The following PCDHA10 variants were observed in gnomAD, a reference collection of about 807,000 sequenced individuals.
The protein encoded by PCDHA10 is protocadherin alpha-10.
Under a neutral mutation model 61.2 loss-of-function variants are expected in PCDHA10, and 45 were observed. The ratio of observed to expected loss-of-function variants is 0.74; its 90% CI spans 0.58 to 0.94. The LOEUF (loss-of-function observed/expected upper bound fraction) is 0.94, where lower values mean the gene tolerates loss of function less well. Ranked by LOEUF, PCDHA10 falls within the 40% of genes least tolerant of loss-of-function variation. The pLI is 0.00. For synonymous variants in PCDHA10, 602 were observed against 548.8 expected (o/e 1.10, Z -1.35); for missense variants, 1,278 against 1,236.2 (o/e 1.03, Z -0.51).
chr5:141,010,327 G>A lies in PCDHA10; in HGVS notation c.*390G>A. 2 of 1,539,744 alleles carry A rather than the reference G, an allele frequency of 1.3e-6. No individual in the cohort carries two copies. Among genetic ancestry groups the A allele is most frequent in the African/African-American group, 2.8e-5 (2 of 72,602 alleles). ...AAAGTTTTGAGATTGAGCAGCTTGG[G>A]AGTTTGTGGCCACTGGGTATGTGTG... On this transcript the variant is annotated 3_prime_UTR_variant, in exon 4 of 4. Transcript: ENST00000307360.
rs377755323 is a variant in PCDHA10 at position 140,870,200 on chromosome 5, C to T, written c.2388+11764C>T. Reference sequence around the variant, plus strand: ...GTACGAGAGGACGCTCAGCCCAGCACGGTCATTGCCCTGATCAGCGTGTCT... The same window carrying T: ...GTACGAGAGGACGCTCAGCCCAGCATGGTCATTGCCCTGATCAGCGTGTCT... On this transcript the variant is annotated intron_variant, in intron 1 of 3. Transcript: ENST00000307360. 7 of 1,614,172 alleles carry T rather than the reference C, an allele frequency of 4.3e-6. No homozygotes were observed. The African/African-American group carries it at 5.3e-5, about 12-fold the overall frequency.
At chr5:140,884,186 G>T in intron 1 of PCDHA10, 1 of 1,613,444 alleles carries the variant, frequency 6.2e-7, no homozygotes, top group East Asian at 2.2e-5. Context: ...TCTGGACGAG[G>T]TGGACGCGCC....
intron 3 of PCDHA10, among the ~76,000 whole-genome samples, chr5:140,993,462 T>TCA (rs3836747): frequency 0.1 from 14,588 of 140,880 alleles, 728 homozygotes; most frequent in Middle Eastern, 0.17. Context: ...TCTTTCTTTC[T>TCA]CACACACACA....
intron 1 of PCDHA10, among the ~76,000 whole-genome samples, chr5:140,956,511 T>C (rs1293826895): frequency 1.3e-5 from 2 of 152,218 alleles, no homozygotes. Flanking sequence ...TACTTGATCA[T>C]GGTGAATAAG....
intron 3 of PCDHA10, among the ~76,000 whole-genome samples, chr5:141,007,652 A>T (rs2098338412): frequency 6.6e-6 from 1 of 152,112 alleles, no homozygotes; most frequent in African/African-American, 2.4e-5. Flanking sequence ...TGCCTAAAAA[A>T]CCATAAATTT....
intron 1 of PCDHA10, among the ~76,000 whole-genome samples, chr5:140,956,385 T>C (rs1313427005): frequency 6.6e-6 from 1 of 152,198 alleles, no homozygotes; most frequent in Non-Finnish European, 1.5e-5. Flanking sequence ...ATCGAAGGCC[T>C]TTTCTGAATC....
chr5:140,867,215 C>T (rs989219715), intron 1 of PCDHA10: 14 of 152,216 alleles, frequency 9.2e-5, no homozygotes, highest in South Asian at 2.1e-4. Flanking sequence ...ACATCTTCAT[C>T]CCCAATTCCC....
At chr5:140,876,819 C>T in intron 1 of PCDHA10, 1 of 1,614,180 alleles carries the variant, frequency 6.2e-7, no homozygotes, top group Admixed American at 1.7e-5. Flanking sequence ...CCGACGTGAA[C>T]GACAATGCGC....
chr5:140,880,790 T>C (rs2058480985), intron 1 of PCDHA10, among the ~76,000 whole-genome samples: 1 of 152,190 alleles, frequency 6.6e-6, no homozygotes, highest in African/African-American at 2.4e-5. Flanking sequence ...AGAGGAGTAA[T>C]ATAAATAGGT....
chr5:140,953,295 C>T (rs74485628), intron 1 of PCDHA10, among the ~76,000 whole-genome samples: 3,568 of 152,144 alleles, frequency 0.023, 49 homozygotes, highest in Middle Eastern at 0.034. Flanking sequence ...GATTCAGGGA[C>T]GGCAGAGATG....
At chr5:140,986,293 CAG>C (rs1447196504) in intron 3 of PCDHA10, among the ~76,000 whole-genome samples, 2 of 152,124 alleles carry the variant, frequency 1.3e-5, no homozygotes, top group Admixed American at 6.5e-5. Flanking sequence ...TGAGACTGAG[CAG>C]AGAGAGAAAA....
intron 1 of PCDHA10, among the ~76,000 whole-genome samples, chr5:140,879,977 C>T (rs1285167233): frequency 6.6e-6 from 1 of 152,174 alleles, no homozygotes; most frequent in African/African-American, 2.4e-5. Flanking sequence ...AAACTCCTTT[C>T]AAGATCCTTA....
chr5:140,955,397 A>G (rs1470827673), intron 1 of PCDHA10, among the ~76,000 whole-genome samples: 1 of 152,130 alleles, frequency 6.6e-6, no homozygotes, highest in Non-Finnish European at 1.5e-5. Context: ...CAATTATCCC[A>G]TACAGTTCTC....
chr5:140,985,619 G>C (rs961379624), intron 3 of PCDHA10, among the ~76,000 whole-genome samples: 2 of 152,064 alleles, frequency 1.3e-5, no homozygotes, highest in African/African-American at 2.4e-5. Context: ...TGAACCAGCT[G>C]TGTATTGCTC....
intron 1 of PCDHA10, among the ~76,000 whole-genome samples, chr5:140,908,903 C>T (rs116633080): frequency 2.5e-3 from 374 of 152,278 alleles, no homozygotes; most frequent in African/African-American, 8.5e-3. Context: ...AAGCCTCTTT[C>T]GTGGTTGTAG....
chr5:140,920,996 CAG>C (rs1554200030), intron 1 of PCDHA10, among the ~76,000 whole-genome samples: 3 of 151,876 alleles, frequency 2.0e-5, no homozygotes, highest in African/African-American at 7.3e-5. Context: ...CTTATTTTTT[CAG>C]AGTCAGGGTC....
chr5:140,941,191 T>TTTTTTTCTTTC (rs1554213809), intron 1 of PCDHA10, among the ~76,000 whole-genome samples: 6 of 93,206 alleles, frequency 6.4e-5, no homozygotes, highest in Admixed American at 2.5e-4. Context: ...GCTTCTTTTT[T>TTTTTTTCTTTC]TTTCTTTCTT....
intron 1 of PCDHA10, among the ~76,000 whole-genome samples, chr5:140,906,364 C>T (rs2072599872): frequency 6.6e-6 from 1 of 152,184 alleles, no homozygotes; most frequent in African/African-American, 2.4e-5. Context: ...ATTCCCAACC[C>T]AAATGCTATT....
chr5:140,870,388 G>T, intron 1 of PCDHA10: 1 of 1,614,232 alleles, frequency 6.2e-7, no homozygotes. Context: ...TGCGCGGGAT[G>T]GGGGTTCGCC....
Sources: allele counts gnomAD v4.1 joint callset (sites outside exome capture counted in the v4.1 genomes callset), GRCh38; gene constraint gnomAD v4.1.1; transcripts MANE v1.5; gene names NCBI Gene and HGNC (gene_info 2026-07-23, HGNC 2026-07-21).